The following TAS2R1 variants were observed in gnomAD, a reference collection of about 807,000 sequenced individuals.
TAS2R1 encodes taste receptor type 2 member 1.
For missense variants in TAS2R1, 370 were observed against 353.4 expected (o/e 1.05, Z -0.38); for synonymous variants, 141 against 134.2 (o/e 1.05, Z -0.35).
chr5:9,751,633 T>C, the TAS2R1 span, among the ~76,000 whole-genome samples: 2 of 152,208 alleles, frequency 1.3e-5, no homozygotes, highest in Non-Finnish European at 2.9e-5. Context: ...TGTTTTACTC[T>C]CAGTGACTCT....
At chr5:9,779,413 A>G in the TAS2R1 span, among the ~76,000 whole-genome samples, 4 of 152,208 alleles carry the variant, frequency 2.6e-5, no homozygotes, top group Non-Finnish European at 5.9e-5. Flanking sequence ...AAACAGAATA[A>G]CACACTTCCT....
At chr5:9,859,526 C>G in the TAS2R1 span, among the ~76,000 whole-genome samples, 1 of 152,258 alleles carries the variant, frequency 6.6e-6, no homozygotes, top group East Asian at 1.9e-4. Context: ...CTTATGGTAT[C>G]CCATTGATTA....
At chr5:9,888,108 C>T in the TAS2R1 span, among the ~76,000 whole-genome samples, 1 of 152,048 alleles carries the variant, frequency 6.6e-6, no homozygotes, top group Non-Finnish European at 1.5e-5. Context: ...TTTCTGGTTG[C>T]CTCTTTTACT....
At chr5:9,874,590 T>G in the TAS2R1 span, among the ~76,000 whole-genome samples, 2 of 152,310 alleles carry the variant, frequency 1.3e-5, no homozygotes, top group South Asian at 4.2e-4. Flanking sequence ...GGCAAGACAT[T>G]GCTGCCACAG....
chr5:9,869,871 A>G, the TAS2R1 span, among the ~76,000 whole-genome samples: 5 of 152,342 alleles, frequency 3.3e-5, no homozygotes, highest in African/African-American at 1.2e-4. Context: ...ATCAAACCTG[A>G]GCGTGATCTT....
At chr5:9,827,598 G>GAACACA in the TAS2R1 span, among the ~76,000 whole-genome samples, 1 of 147,324 alleles carries the variant, frequency 6.8e-6, no homozygotes, top group Non-Finnish European at 1.5e-5. Flanking sequence ...GTGGTGGCAT[G>GAACACA]CACACACACA....
At chr5:9,892,271 G>A in the TAS2R1 span, among the ~76,000 whole-genome samples, 1 of 152,120 alleles carries the variant, frequency 6.6e-6, no homozygotes, top group African/African-American at 2.4e-5. Context: ...GCTGGGCTCA[G>A]TCTTTGAAAT....
At chr5:9,747,528 A>T in the TAS2R1 span, among the ~76,000 whole-genome samples, 45 of 152,240 alleles carry the variant, frequency 3.0e-4, no homozygotes, top group Admixed American at 1.1e-3. Flanking sequence ...GGCTCTTTTT[A>T]ACAACCAGCT....
chr5:9,858,790 GCTTGTATAGATTGTATGCACTTC>G, the TAS2R1 span, among the ~76,000 whole-genome samples: 50 of 152,222 alleles, frequency 3.3e-4, no homozygotes, highest in African/African-American at 1.1e-3. Context: ...TTAAACAACA[GCTTGTATAGATTGTATGCACTTC>G]CCTGTCTGTA....
chr5:9,850,208 T>C, the TAS2R1 span, among the ~76,000 whole-genome samples: 1 of 152,172 alleles, frequency 6.6e-6, no homozygotes, highest in Non-Finnish European at 1.5e-5. Context: ...GTGGCTTTGG[T>C]GTCTGTGTCT....
rs1739817906 is a variant in TAS2R1 at position 9,629,247 on chromosome 5, G to T, written c.786C>A (p.Phe262Leu). The part of the protein sequence containing the change: ...FHIRRFIFLF[F>L]ILVIGIYPSG... ...AAGGGTATATACCAATCACAAGGATGAAGAACAGAAAGATGAACCTTCTGA... is the reference window on the plus strand; with the variant it reads ...AAGGGTATATACCAATCACAAGGATTAAGAACAGAAAGATGAACCTTCTGA... Residue 262 changes from phenylalanine to leucine, a missense_variant, in exon 1 of 1, where the codon TTC (phenylalanine) becomes TTA (leucine). Phe to Leu is a conservative substitution (Grantham distance 22). Coordinates refer to ENST00000382492, the MANE Select transcript of TAS2R1 (RefSeq NM_019599.3). 6.2e-7 allele frequency: 1 copy of T among 1,613,800 alleles called. No individual in the cohort carries two copies. Among genetic ancestry groups the T allele is most frequent in the Admixed American group, 1.7e-5 (1 of 59,912 alleles).
At chr5:9,782,298 T>G in the TAS2R1 span, among the ~76,000 whole-genome samples, 2 of 152,262 alleles carry the variant, frequency 1.3e-5, no homozygotes, top group African/African-American at 4.8e-5. Context: ...CAAGGTTCAC[T>G]GTGCTGGGAT....
At chr5:9,819,163 T>C in the TAS2R1 span, among the ~76,000 whole-genome samples, 1 of 152,168 alleles carries the variant, frequency 6.6e-6, no homozygotes, top group Admixed American at 6.5e-5. Context: ...GTAGCCATTA[T>C]ACAACCTCAG....
chr5:9,790,636 T>A, the TAS2R1 span, among the ~76,000 whole-genome samples: 1 of 152,178 alleles, frequency 6.6e-6, no homozygotes, highest in African/African-American at 2.4e-5. Flanking sequence ...ATAAGAATTT[T>A]TTTTTCTTTT....
chr5:9,865,912 G>T, the TAS2R1 span, among the ~76,000 whole-genome samples: 1 of 152,160 alleles, frequency 6.6e-6, no homozygotes, highest in African/African-American at 2.4e-5. Flanking sequence ...AGGCTCATAG[G>T]CCATGATTTT....
chr5:9,774,801 G>A, the TAS2R1 span, among the ~76,000 whole-genome samples: 1 of 152,218 alleles, frequency 6.6e-6, no homozygotes, highest in Non-Finnish European at 1.5e-5. Flanking sequence ...CTCTCTCTGT[G>A]CTGAGCTGCC....
chr5:9,641,047 A>T (rs892090821), intron 2 of TAS2R1, among the ~76,000 whole-genome samples: 2 of 152,248 alleles, frequency 1.3e-5, no homozygotes. Context: ...TTGCAAGAAA[A>T]GTAACAAGAA....
At chr5:9,822,700 G>C in the TAS2R1 span, among the ~76,000 whole-genome samples, 1 of 151,918 alleles carries the variant, frequency 6.6e-6, no homozygotes, top group African/African-American at 2.4e-5. Flanking sequence ...ATGTACATAT[G>C]TCCTTTTCCT....
At chr5:9,831,941 CT>C in the TAS2R1 span, among the ~76,000 whole-genome samples, 10 of 152,186 alleles carry the variant, frequency 6.6e-5, no homozygotes, top group Non-Finnish European at 8.8e-5. Context: ...CAGTTTAACT[CT>C]GACAATTTCG....
Sources: allele counts gnomAD v4.1 joint callset (sites outside exome capture counted in the v4.1 genomes callset), GRCh38; gene constraint gnomAD v4.1.1; transcripts MANE v1.5; gene names NCBI Gene and HGNC (gene_info 2026-07-23, HGNC 2026-07-21).